Variants in TTC27 observed in about 807,000 individuals in gnomAD.
The protein encoded by TTC27 is tetratricopeptide repeat protein 27.
Under a neutral mutation model 115.9 loss-of-function variants are expected in TTC27, and 79 were observed. The observed-to-expected ratio is 0.68, with a 90% CI of 0.57 to 0.82. The LOEUF (loss-of-function observed/expected upper bound fraction) is 0.82. Ranked by LOEUF, TTC27 falls within the 40% of genes least tolerant of loss-of-function variation. TTC27 has a pLI of 0.00. For missense variants in TTC27, 1,054 were observed against 993.1 expected (o/e 1.06, Z -0.82); for synonymous variants, 401 against 356.0 (o/e 1.13, Z -1.42).
intron 10 of TTC27, among the ~76,000 whole-genome samples, chr2:32,709,789 A>G (rs1219668387): frequency 6.6e-6 from 1 of 152,150 alleles, no homozygotes; most frequent in African/African-American, 2.4e-5. Flanking sequence ...GCTGGGCCCC[A>G]CCGTGTAGAG....
intron 8 of TTC27, among the ~76,000 whole-genome samples, chr2:32,673,036 A>T (rs1666066105): frequency 6.6e-6 from 1 of 152,230 alleles, no homozygotes; most frequent in African/African-American, 2.4e-5. Context: ...GAAAAGATCC[A>T]GTCTAGAATA....
intron 8 of TTC27, among the ~76,000 whole-genome samples, chr2:32,678,469 C>G (rs1666298207): frequency 6.6e-6 from 1 of 151,522 alleles, no homozygotes; most frequent in Admixed American, 6.6e-5. Flanking sequence ...GCTCTGTTGC[C>G]CAGGCTGGAG....
chr2:32,820,579 C>T (rs1003421410), intron 19 of TTC27, among the ~76,000 whole-genome samples: 2 of 152,116 alleles, frequency 1.3e-5, no homozygotes, highest in South Asian at 2.1e-4. Context: ...TAGGCAAATG[C>T]GTTGAAGAGC....
At chr2:32,692,998 A>T (rs1666868616) in intron 9 of TTC27, among the ~76,000 whole-genome samples, 1 of 152,052 alleles carries the variant, frequency 6.6e-6, no homozygotes, top group Non-Finnish European at 1.5e-5. Flanking sequence ...AAATCTATAA[A>T]ACATAATTAA....
intron 10 of TTC27, among the ~76,000 whole-genome samples, chr2:32,733,056 T>C (rs1452675401): frequency 6.6e-6 from 1 of 152,190 alleles, no homozygotes; most frequent in Non-Finnish European, 1.5e-5. Flanking sequence ...AATCCCACAA[T>C]GTGTCTTCAT....
At position 32,787,076 on chromosome 2, in the gene TTC27, T is replaced by C. The variant is rs748497472; in HGVS notation, c.1925T>C (p.Val642Ala). Residue 642 changes from valine to alanine, a missense_variant, in exon 16 of 20, where the codon GTT becomes GCT. Val to Ala is a moderately conservative substitution (Grantham distance 64). Transcript: ENST00000317907. ...WENYILTSTD[V>A]GEFSEAIKAY... ...AACTACATCCTCACCAGCACTGACG[T>C]TGGGGAATTTTCAGAAGCCATTAAA... 9.3e-6 allele frequency: 15 copies of C among 1,614,046 alleles called. No homozygotes were observed. Among genetic ancestry groups the C allele is most frequent in the South Asian group, 8.8e-5 (8 of 91,056 alleles).
chr2:32,814,074 G>A (rs776440385), intron 18 of TTC27, among the ~76,000 whole-genome samples: 14 of 152,026 alleles, frequency 9.2e-5, no homozygotes, highest in Non-Finnish European at 1.8e-4. Context: ...TAGCAGGATG[G>A]GATTTACTTT....
At chr2:32,642,841 C>T (rs2754526) in intron 4 of TTC27, among the ~76,000 whole-genome samples, 117,201 of 151,806 alleles carry the variant, frequency 0.77, 45,747 homozygotes, top group East Asian at 0.87. Context: ...CTAATTTTTG[C>T]ATTTTTTGTA....
intron 16 of TTC27, among the ~76,000 whole-genome samples, chr2:32,803,210 C>T (rs1671014902): frequency 6.6e-6 from 1 of 152,220 alleles, no homozygotes; most frequent in Non-Finnish European, 1.5e-5. Context: ...GCCCATCTTC[C>T]TGAGTAGTTA....
chr2:32,715,192 T>C (rs1054856969), intron 10 of TTC27, among the ~76,000 whole-genome samples: 1 of 152,146 alleles, frequency 6.6e-6, no homozygotes, highest in Non-Finnish European at 1.5e-5. Context: ...CTTCCAGGGA[T>C]TTTATAGTTT....
intron 9 of TTC27, among the ~76,000 whole-genome samples, chr2:32,685,852 T>C (rs1298461906): frequency 1.3e-5 from 2 of 152,120 alleles, no homozygotes; most frequent in Non-Finnish European, 2.9e-5. Context: ...AGAATCCTAG[T>C]AGTGCAATAG....
intron 10 of TTC27, among the ~76,000 whole-genome samples, chr2:32,708,471 C>T (rs746652174): frequency 2.0e-5 from 3 of 151,502 alleles, no homozygotes; most frequent in Non-Finnish European, 4.4e-5. Flanking sequence ...GCCACCACAA[C>T]CAGCTAATTT....
At chr2:32,818,406 G>A (rs576101517) in intron 19 of TTC27, among the ~76,000 whole-genome samples, 1 of 152,148 alleles carries the variant, frequency 6.6e-6, no homozygotes. Flanking sequence ...AAGGTAGATG[G>A]CTATTGAGGT....
intron 13 of TTC27, among the ~76,000 whole-genome samples, chr2:32,758,928 T>C (rs17012212): frequency 0.014 from 2,179 of 152,270 alleles, 47 homozygotes; most frequent in African/African-American, 0.048. Context: ...TAGGATAGCA[T>C]ATAGAATGGA....
chr2:32,814,744 T>C (rs1447030040), intron 18 of TTC27, among the ~76,000 whole-genome samples: 1 of 152,214 alleles, frequency 6.6e-6, no homozygotes, highest in African/African-American at 2.4e-5. Flanking sequence ...AGTCACATGC[T>C]GTACAGGGTT....
intron 4 of TTC27, among the ~76,000 whole-genome samples, chr2:32,646,891 C>A (rs193218433): frequency 6.6e-6 from 1 of 151,754 alleles, no homozygotes; most frequent in Non-Finnish European, 1.5e-5. Context: ...TTCCCTCCCC[C>A]ATATAAAGAT....
At chr2:32,704,384 C>T (rs1448961174) in intron 10 of TTC27, among the ~76,000 whole-genome samples, 2 of 152,010 alleles carry the variant, frequency 1.3e-5, no homozygotes, top group African/African-American at 4.8e-5. Context: ...ATGGAGGTTT[C>T]ACCATGTTGG....
intron 10 of TTC27, among the ~76,000 whole-genome samples, chr2:32,721,719 A>C (rs201266964): frequency 0.5 from 74,696 of 150,722 alleles, 19,001 homozygotes; most frequent in Middle Eastern, 0.68. Flanking sequence ...CAGTGGAATG[A>C]TTAAGCTCTG....
At chr2:32,743,628 A>G (rs1013652727) in intron 12 of TTC27, among the ~76,000 whole-genome samples, 1 of 152,168 alleles carries the variant, frequency 6.6e-6, no homozygotes, top group African/African-American at 2.4e-5. Context: ...AAAATACACC[A>G]TCAGGATGGG....
Sources: allele counts gnomAD v4.1 joint callset (sites outside exome capture counted in the v4.1 genomes callset), GRCh38; gene constraint gnomAD v4.1.1; transcripts MANE v1.5; gene names NCBI Gene and HGNC (gene_info 2026-07-23, HGNC 2026-07-21).